CREB5: variants seen among roughly 807,000 people sequenced by gnomAD.
CREB5 encodes the protein cAMP responsive element binding protein 5.
Under a neutral mutation model 57.1 loss-of-function variants are expected in CREB5, and 19 were observed. The observed-to-expected ratio is 0.33, with a 90% CI of 0.23 to 0.49. CREB5 has a LOEUF of 0.49. Among genes scored for constraint, CREB5 ranks in the 20% least tolerant of loss-of-function variants. CREB5 has a pLI of 0.99. For missense variants in CREB5, 579 were observed against 671.6 expected (o/e 0.86, Z 1.52); for synonymous variants, 238 against 238.3 (o/e 1.00, Z 0.01).
chr7:28,306,490 A>AAGATTTTAAATGGGCGATGAAG (rs1167738654), intron 1 of CREB5, among the ~76,000 whole-genome samples: 1 of 121,760 alleles, frequency 8.2e-6, no homozygotes, highest in East Asian at 2.3e-4. Flanking sequence ...ATCATGGCAC[A>AAGATTTTAAATGGGCGATGAAG]AGATTTTAAA....
chr7:28,429,346 T>A (rs1023374701), intron 1 of CREB5, among the ~76,000 whole-genome samples: 2 of 152,290 alleles, frequency 1.3e-5, no homozygotes, highest in Admixed American at 6.5e-5. Flanking sequence ...AAAATCCACA[T>A]TCCGACCAGA....
chr7:28,660,651 C>A (rs1055826500), intron 5 of CREB5, among the ~76,000 whole-genome samples: 1 of 152,078 alleles, frequency 6.6e-6, no homozygotes, highest in East Asian at 1.9e-4. Flanking sequence ...GTCTAGAGAA[C>A]TTTGTTTAAC....
Position 28,488,188 on chromosome 7 carries a change from C to T in CREB5, c.17C>T (p.Ser6Phe). 2 of 1,613,854 alleles carry T rather than the reference C, an allele frequency of 1.2e-6. No individual in the cohort carries two copies. The highest frequency in any genetic ancestry group is 1.7e-6 in the Non-Finnish European group (2 of 1,179,850). The change falls in exon 2 of 11, where the codon TCC (serine) becomes TTC (phenylalanine). Residue 6 changes from serine to phenylalanine, a missense_variant. Coordinates refer to ENST00000357727, the MANE Select transcript of CREB5 (RefSeq NM_182898.4). MIYEE[S>F]KMNLEQERPF... ...CTGATCCTTCAGATTTATGAGGAAT[C>T]CAAGATGAATTTGGAGCAGGAGAGG... is the stretch of plus-strand genomic sequence containing the variant.
chr7:28,394,774 G>A (rs1247874535), intron 1 of CREB5, among the ~76,000 whole-genome samples: 1 of 152,136 alleles, frequency 6.6e-6, no homozygotes, highest in Admixed American at 6.5e-5. Flanking sequence ...ACCAAGAATA[G>A]AACAATGTTC....
intron 5 of CREB5, among the ~76,000 whole-genome samples, chr7:28,652,902 A>G (rs562825026): frequency 3.3e-5 from 5 of 152,320 alleles, no homozygotes; most frequent in African/African-American, 9.6e-5. Flanking sequence ...CTTTGCACAC[A>G]TGCCCAAAGG....
intron 5 of CREB5, among the ~76,000 whole-genome samples, chr7:28,622,939 C>T (rs1465148038): frequency 6.6e-6 from 1 of 152,144 alleles, no homozygotes; most frequent in Non-Finnish European, 1.5e-5. Context: ...TTGGAGTGCA[C>T]TGGTGCAATC....
chr7:28,655,988 C>T (rs1248309970), intron 5 of CREB5, among the ~76,000 whole-genome samples: 2 of 152,024 alleles, frequency 1.3e-5, no homozygotes, highest in Non-Finnish European at 2.9e-5. Context: ...GGAAAAAAAG[C>T]CAACAGTTCA....
At chr7:28,606,687 T>G (rs932026740) in intron 5 of CREB5, among the ~76,000 whole-genome samples, 6 of 152,236 alleles carry the variant, frequency 3.9e-5, no homozygotes, top group Admixed American at 3.3e-4. Context: ...CCATCTTATG[T>G]TACTCATACA....
intron 7 of CREB5, among the ~76,000 whole-genome samples, chr7:28,756,932 A>C (rs1431750721): frequency 6.6e-6 from 1 of 152,182 alleles, no homozygotes; most frequent in Non-Finnish European, 1.5e-5. Flanking sequence ...TGATTGGTTC[A>C]GGCGCTCACA....
At chr7:28,771,574 A>G (rs965722556) in intron 7 of CREB5, among the ~76,000 whole-genome samples, 5 of 152,150 alleles carry the variant, frequency 3.3e-5, no homozygotes, top group Non-Finnish European at 5.9e-5. Flanking sequence ...GGTACGTGTG[A>G]GGAGCAGGGC....
intron 7 of CREB5, among the ~76,000 whole-genome samples, chr7:28,782,193 T>G (rs1482787071): frequency 6.6e-6 from 1 of 152,208 alleles, no homozygotes; most frequent in Non-Finnish European, 1.5e-5. Flanking sequence ...GGAAATACAG[T>G]AAGAGTGTTT....
At chr7:28,601,497 C>T (rs960064281) in intron 5 of CREB5, among the ~76,000 whole-genome samples, 1 of 152,082 alleles carries the variant, frequency 6.6e-6, no homozygotes, top group African/African-American at 2.4e-5. Flanking sequence ...GTACCTCAAC[C>T]CCTATGGGCC....
chr7:28,378,249 A>C (rs1329497920), intron 1 of CREB5, among the ~76,000 whole-genome samples: 2 of 152,000 alleles, frequency 1.3e-5, no homozygotes, highest in Non-Finnish European at 2.9e-5. Flanking sequence ...TTTAAAAGTT[A>C]AGACCTATTA....
At chr7:28,535,512 C>T (rs1306248787) in intron 4 of CREB5, among the ~76,000 whole-genome samples, 1 of 139,896 alleles carries the variant, frequency 7.1e-6, no homozygotes, top group Non-Finnish European at 1.6e-5. Context: ...TTTCATTTAC[C>T]TTACTTTCCT....
chr7:28,369,180 A>G (rs949900554), intron 1 of CREB5, among the ~76,000 whole-genome samples: 1 of 152,240 alleles, frequency 6.6e-6, no homozygotes, highest in African/African-American at 2.4e-5. Context: ...TGAGTCAAAC[A>G]TGTAGTAGTA....
chr7:28,511,647 G>A (rs1290172867), intron 4 of CREB5, among the ~76,000 whole-genome samples: 4 of 152,080 alleles, frequency 2.6e-5, no homozygotes, highest in Admixed American at 2.6e-4. Context: ...ACCATGCCCG[G>A]CTCATTTTTC....
At chr7:28,616,420 C>T (rs1054786297) in intron 5 of CREB5, among the ~76,000 whole-genome samples, 2 of 152,132 alleles carry the variant, frequency 1.3e-5, no homozygotes, top group African/African-American at 2.4e-5. Context: ...CAGTTCAATA[C>T]TTCTTCAAGC....
intron 5 of CREB5, among the ~76,000 whole-genome samples, chr7:28,681,731 C>T (rs1236246644): frequency 2.6e-5 from 4 of 152,168 alleles, no homozygotes; most frequent in African/African-American, 9.7e-5. Context: ...TAATGGCCAC[C>T]CTTATCCCAG....
At chr7:28,763,819 T>TTTTTTA (rs1264072307) in intron 7 of CREB5, among the ~76,000 whole-genome samples, 1 of 151,736 alleles carries the variant, frequency 6.6e-6, no homozygotes. Flanking sequence ...TATTTTTTTT[T>TTTTTTA]GAGACAGGGT....
Sources: allele counts gnomAD v4.1 joint callset (sites outside exome capture counted in the v4.1 genomes callset), GRCh38; gene constraint gnomAD v4.1.1; transcripts MANE v1.5; gene names NCBI Gene and HGNC (gene_info 2026-07-23, HGNC 2026-07-21).